The following SLC22A4 variants were observed in gnomAD, a reference collection of about 807,000 sequenced individuals.
The protein encoded by SLC22A4 is ET transporter.
Under a neutral mutation model 56.6 loss-of-function variants are expected in SLC22A4, and 39 were observed. That is an observed-to-expected ratio of 0.69 (90% confidence interval 0.53 to 0.90). The LOEUF is 0.90. Ranked by LOEUF, SLC22A4 falls within the 40% of genes least tolerant of loss-of-function variation. SLC22A4 has a pLI of 0.00. For synonymous variants in SLC22A4, 241 were observed against 281.4 expected, an observed-to-expected ratio of 0.86 and a Z score of 1.44; for missense variants, 594 against 696.5, an observed-to-expected ratio of 0.85 and a Z score of 1.66.
chr5:132,323,197 G>C (rs1208272087), intron 4 of SLC22A4, among the ~76,000 whole-genome samples: 1 of 152,120 alleles, frequency 6.6e-6, no homozygotes, highest in Non-Finnish European at 1.5e-5. Flanking sequence ...TTCCAGCACT[G>C]ACTGGTTTCA....
intron 1 of SLC22A4, among the ~76,000 whole-genome samples, chr5:132,297,561 A>G (rs1408535884): frequency 6.6e-6 from 1 of 152,026 alleles, no homozygotes; most frequent in African/African-American, 2.4e-5. Flanking sequence ...TTGTCTATAA[A>G]TTGGGGGTAC....
intron 3 of SLC22A4, among the ~76,000 whole-genome samples, chr5:132,320,359 A>G (rs961800246): frequency 6.6e-6 from 1 of 152,222 alleles, no homozygotes; most frequent in African/African-American, 2.4e-5. Context: ...TCTCTGCTTA[A>G]GAATAAAGCA....
At position 132,322,210 on chromosome 5, in the gene SLC22A4, C is replaced by A; in HGVS notation, c.679C>A (p.Arg227Ser). The A allele has an allele frequency of 6.2e-7, 1 of 1,613,524 alleles. No individual in the cohort carries two copies. The highest frequency in any genetic ancestry group is 8.5e-7 in the Non-Finnish European group (1 of 1,179,736). ...AACAGAAATTCTTGGCAAGTCAGTTCGTATTATATTCTCTACATTAGGAGT... is the reference window on the plus strand; with the variant it reads ...AACAGAAATTCTTGGCAAGTCAGTTAGTATTATATTCTCTACATTAGGAGT... ...LGTEILGKSV[R>S]IIFSTLGVCT... Residue 227 changes from arginine to serine, a missense_variant, in exon 4 of 10, where the codon CGT becomes AGT. Arg to Ser is a moderately radical substitution (Grantham distance 110). Coordinates refer to ENST00000200652, the MANE Select transcript of SLC22A4 (RefSeq NM_003059.3).
At chr5:132,299,226 C>T (rs944279613) in intron 1 of SLC22A4, among the ~76,000 whole-genome samples, 13 of 152,112 alleles carry the variant, frequency 8.5e-5, no homozygotes, top group African/African-American at 2.9e-4. Context: ...TGTAGAAATG[C>T]CTTTCATAGT....
At chr5:132,327,460 A>T in intron 5 of SLC22A4, 57 bp downstream of exon 5, 1 of 1,473,962 alleles carries the variant, frequency 6.8e-7, no homozygotes, top group African/African-American at 1.4e-5. Flanking sequence ...GATTTTATGG[A>T]ATTTAACTTA....
intron 1 of SLC22A4, among the ~76,000 whole-genome samples, chr5:132,310,885 T>A (rs1750163361): frequency 6.6e-6 from 1 of 152,194 alleles, no homozygotes; most frequent in South Asian, 2.1e-4. Context: ...AGAGCCAGTT[T>A]TGGAGCCCCG....
At chr5:132,305,087 A>G (rs1248286476) in intron 1 of SLC22A4, among the ~76,000 whole-genome samples, 2 of 152,228 alleles carry the variant, frequency 1.3e-5, no homozygotes, top group Admixed American at 6.5e-5. Context: ...TCTTAAACAA[A>G]CAAAACAACT....
At chr5:132,312,373 C>A in intron 2 of SLC22A4, 109 bp downstream of exon 2, 1 of 780,510 alleles carries the variant, frequency 1.3e-6, no homozygotes, top group Non-Finnish European at 2.3e-6. Flanking sequence ...AGGGAGGACC[C>A]TCAGGCCACT....
chr5:132,301,686 T>C (rs1749911466), intron 1 of SLC22A4, among the ~76,000 whole-genome samples: 1 of 152,190 alleles, frequency 6.6e-6, no homozygotes, highest in South Asian at 2.1e-4. Flanking sequence ...AGCAAGGGAA[T>C]AATGAAACAG....
At chr5:132,308,535 C>T (rs890021709) in intron 1 of SLC22A4, among the ~76,000 whole-genome samples, 2 of 151,898 alleles carry the variant, frequency 1.3e-5, no homozygotes, top group Admixed American at 6.6e-5. Context: ...AGATAATACA[C>T]GGCACTCAGT....
chr5:132,315,418 T>C (rs1412402817), intron 3 of SLC22A4, among the ~76,000 whole-genome samples: 2 of 152,068 alleles, frequency 1.3e-5, no homozygotes, highest in African/African-American at 2.4e-5. Context: ...CCCGGTTCTA[T>C]AGAATGGGCA....
chr5:132,324,679 G>A, intron 4 of SLC22A4: 1 of 442,792 alleles, frequency 2.3e-6, no homozygotes, highest in South Asian at 1.7e-5. Flanking sequence ...CAGTCTAGTG[G>A]TTGGGGTATG....
At chr5:132,342,434 G>A (rs575348583) in intron 9 of SLC22A4, among the ~76,000 whole-genome samples, 4 of 152,316 alleles carry the variant, frequency 2.6e-5, no homozygotes, top group South Asian at 4.1e-4. Flanking sequence ...ATGAGATTGC[G>A]CAAGGGTTTT....
chr5:132,325,092 G>A (rs1329056669), intron 4 of SLC22A4, among the ~76,000 whole-genome samples: 1 of 152,150 alleles, frequency 6.6e-6, no homozygotes, highest in East Asian at 1.9e-4. Flanking sequence ...GATGCAATGT[G>A]AGGAAAGCTA....
At chr5:132,329,365 C>T (rs989447753) in intron 5 of SLC22A4, among the ~76,000 whole-genome samples, 6 of 152,136 alleles carry the variant, frequency 3.9e-5, no homozygotes, top group Non-Finnish European at 7.4e-5. Context: ...CCCGTAGGAT[C>T]CTCTTTAGGA....
chr5:132,306,729 A>C (rs1750050266), intron 1 of SLC22A4, among the ~76,000 whole-genome samples: 1 of 151,902 alleles, frequency 6.6e-6, no homozygotes, highest in African/African-American at 2.4e-5. Flanking sequence ...TACAGGTGTG[A>C]CCCACCGCAC....
chr5:132,316,547 G>T (rs1750363288), intron 3 of SLC22A4, among the ~76,000 whole-genome samples: 1 of 152,160 alleles, frequency 6.6e-6, no homozygotes, highest in Non-Finnish European at 1.5e-5. Flanking sequence ...AAGTGTTTCT[G>T]TATTTAATAA....
chr5:132,340,417 C>G (rs1751177075), intron 8 of SLC22A4, 148 bp from the exon 9 acceptor site: 1 of 792,772 alleles, frequency 1.3e-6, no homozygotes, highest in South Asian at 1.4e-5. Context: ...CAAAAAGAAA[C>G]TGATATTTTG....
rs770458543 is a variant in SLC22A4 at position 132,295,000 on chromosome 5, C to G, written c.384C>G (p.Val128=). Residue 128 remains valine (V), a synonymous_variant, in exon 1 of 10, where the codon GTC becomes GTG. Transcript: ENST00000200652. This position sits in a 1 kb window ranked among gnomAD's most constrained non-coding sequence, Gnocchi z 5.6. Reference sequence around the variant, plus strand: ...GCCAGGACGTCTACCTGTCCACCGTCGTGACCGAGGTGGGTGCCAGGCCGA... The same window carrying G: ...GCCAGGACGTCTACCTGTCCACCGTGGTGACCGAGGTGGGTGCCAGGCCGA... The part of the protein sequence containing the change: ...EFSQDVYLST[V]VTEWNLVCED... 2 of 1,606,342 alleles carry G rather than the reference C, an allele frequency of 1.2e-6. No homozygotes were observed. Among genetic ancestry groups the G allele is most frequent in the South Asian group, 1.1e-5 (1 of 89,742 alleles).
Sources: gnomAD v4.1 joint callset for allele counts (sites outside exome capture counted in the v4.1 genomes callset) on GRCh38, gnomAD v4.1.1 for gene constraint, Gnocchi (gnomAD v3.1) non-coding constraint, MANE v1.5 for transcripts, NCBI Gene and HGNC (gene_info 2026-07-23, HGNC 2026-07-21) for gene names.